Variants in VAV3 observed in about 807,000 individuals in gnomAD.
The protein encoded by VAV3 is vav guanine nucleotide exchange factor 3, also known as guanine nucleotide exchange factor VAV3.
VAV3 carries 94 observed loss-of-function variants against 131.2 expected under a neutral mutation model. The ratio of observed to expected loss-of-function variants is 0.72; its 90% CI spans 0.61 to 0.85. The LOEUF is 0.85. Among genes scored for constraint, VAV3 ranks in the 40% least tolerant of loss-of-function variants. VAV3 has a pLI of 0.00. For synonymous variants in VAV3, 349 were observed against 342.0 expected, an observed-to-expected ratio of 1.02 and a Z score of -0.22; for missense variants, 939 against 1,002.7, an observed-to-expected ratio of 0.94 and a Z score of 0.86.
chr1:107,649,924 C>A (rs1656029894), intron 19 of VAV3, among the ~76,000 whole-genome samples: 1 of 151,884 alleles, frequency 6.6e-6, no homozygotes, highest in African/African-American at 2.4e-5. Context: ...GTAATAATAC[C>A]AGATAAAAGT....
At chr1:107,714,005 A>C (rs1024331334) in intron 15 of VAV3, among the ~76,000 whole-genome samples, 2 of 152,138 alleles carry the variant, frequency 1.3e-5, no homozygotes, top group African/African-American at 4.8e-5. Flanking sequence ...CAGGCCTTAT[A>C]ATTTAGGAGA....
intron 17 of VAV3, among the ~76,000 whole-genome samples, chr1:107,702,144 G>T (rs552597189): frequency 6.6e-6 from 1 of 152,296 alleles, no homozygotes; most frequent in Non-Finnish European, 1.5e-5. Flanking sequence ...GTTCCACATG[G>T]CTGGGGAGGC....
chr1:107,702,657 C>T (rs551946367), intron 17 of VAV3, among the ~76,000 whole-genome samples: 4 of 152,108 alleles, frequency 2.6e-5, no homozygotes, highest in Admixed American at 6.5e-5. Flanking sequence ...ACTTTTATAA[C>T]GTAAAAGTTA....
intron 15 of VAV3, among the ~76,000 whole-genome samples, chr1:107,745,083 T>C (rs907077594): frequency 2.0e-5 from 3 of 152,182 alleles, no homozygotes; most frequent in Admixed American, 1.3e-4. Flanking sequence ...CTATAGGCAG[T>C]TATATCCATA....
chr1:107,932,664 T>C (rs552131382), intron 1 of VAV3, among the ~76,000 whole-genome samples: 1 of 152,304 alleles, frequency 6.6e-6, no homozygotes, highest in South Asian at 2.1e-4. Context: ...CTGGATTACC[T>C]GGGTGAGTCC....
At chr1:107,747,269 A>C (rs1346993888) in intron 15 of VAV3, among the ~76,000 whole-genome samples, 2 of 152,168 alleles carry the variant, frequency 1.3e-5, no homozygotes, top group Admixed American at 1.3e-4. Context: ...AGTCCAAGGA[A>C]CCTGCCTGCT....
intron 1 of VAV3, among the ~76,000 whole-genome samples, chr1:107,908,853 AC>A (rs1483363155): frequency 7.1e-6 from 1 of 141,776 alleles, no homozygotes; most frequent in Non-Finnish European, 1.5e-5. Flanking sequence ...ACACACACAC[AC>A]ACACACACAC....
intron 1 of VAV3, among the ~76,000 whole-genome samples, chr1:107,918,863 G>A (rs1003081087): frequency 6.6e-6 from 1 of 151,474 alleles, no homozygotes. Context: ...CCACCACCAT[G>A]CCCAGCTAAT....
chr1:107,669,858 A>G (rs1308213397), intron 19 of VAV3, among the ~76,000 whole-genome samples: 2 of 152,214 alleles, frequency 1.3e-5, no homozygotes, highest in East Asian at 3.8e-4. Flanking sequence ...GAGTAACTAC[A>G]TGGCTGACAC....
chr1:107,682,505 A>C (rs1658711009), intron 19 of VAV3, among the ~76,000 whole-genome samples: 1 of 151,994 alleles, frequency 6.6e-6, no homozygotes, highest in Admixed American at 6.6e-5. Flanking sequence ...CTGTTTTTTT[A>C]ATGGCTTCAA....
intron 1 of VAV3, among the ~76,000 whole-genome samples, chr1:107,954,172 G>C (rs910071652): frequency 1.3e-4 from 20 of 152,018 alleles, no homozygotes; most frequent in African/African-American, 4.8e-4. Context: ...CCAAATAATA[G>C]CTAACAATAG....
At chr1:107,602,345 T>C (rs1651928990) in intron 24 of VAV3, 52 bp downstream of exon 24, 2 of 1,326,856 alleles carry the variant, frequency 1.5e-6, no homozygotes, top group Non-Finnish European at 2.0e-6. Flanking sequence ...ATGACCTTTC[T>C]AACAAAAGAA....
At chr1:107,713,499 A>C (rs1660909321) in intron 15 of VAV3, among the ~76,000 whole-genome samples, 1 of 152,150 alleles carries the variant, frequency 6.6e-6, no homozygotes, top group African/African-American at 2.4e-5. Context: ...AATTGGAAAA[A>C]TAGCAAGAAA....
chr1:107,785,505 C>T, intron 2 of VAV3: 3 of 1,316,260 alleles, frequency 2.3e-6, no homozygotes, highest in Non-Finnish European at 3.0e-6. Context: ...ATGCTAGAGC[C>T]CCAAATGCAA....
intron 2 of VAV3, among the ~76,000 whole-genome samples, chr1:107,851,238 G>A (rs1472286945): frequency 6.6e-6 from 1 of 150,472 alleles, no homozygotes; most frequent in Non-Finnish European, 1.5e-5. Flanking sequence ...CTCATGAGAA[G>A]AGGGAAAGGA....
At chr1:107,900,551 ATC>A (rs1336504281) in intron 1 of VAV3, among the ~76,000 whole-genome samples, 1 of 152,164 alleles carries the variant, frequency 6.6e-6, no homozygotes, top group Non-Finnish European at 1.5e-5. Context: ...AATCCACTAA[ATC>A]TGCTGTCAAG....
At chr1:107,788,257 T>C (rs1012248773) in intron 2 of VAV3, among the ~76,000 whole-genome samples, 1 of 152,044 alleles carries the variant, frequency 6.6e-6, no homozygotes, top group Admixed American at 6.6e-5. Context: ...ATTACCACCA[T>C]GCCAGCCCCA....
intron 19 of VAV3, among the ~76,000 whole-genome samples, chr1:107,672,876 A>C (rs1310686987): frequency 6.6e-6 from 1 of 152,216 alleles, no homozygotes; most frequent in East Asian, 1.9e-4. Flanking sequence ...TGAAAAGAAC[A>C]ATACAAGGTT....
At chr1:107,685,291 G>A (rs1297006581) in intron 18 of VAV3, among the ~76,000 whole-genome samples, 2 of 152,166 alleles carry the variant, frequency 1.3e-5, no homozygotes, top group Non-Finnish European at 1.5e-5. Context: ...AACACAAACA[G>A]TTAAATTTAT....
Sources: gnomAD v4.1 joint callset for allele counts (sites outside exome capture counted in the v4.1 genomes callset) on GRCh38, gnomAD v4.1.1 for gene constraint, MANE v1.5 for transcripts, NCBI Gene and HGNC (gene_info 2026-07-23, HGNC 2026-07-21) for gene names.